The following HERC3 variants were observed in gnomAD, a reference collection of about 807,000 sequenced individuals.
HERC3 encodes probable E3 ubiquitin-protein ligase HERC3.
HERC3 carries 58 observed loss-of-function variants against 129.9 expected under a neutral mutation model. The ratio of observed to expected loss-of-function variants is 0.45; its 90% CI spans 0.36 to 0.56. The LOEUF (loss-of-function observed/expected upper bound fraction) is 0.56, where lower values mean the gene tolerates loss of function less well. Ranked by LOEUF, HERC3 falls within the 20% of genes least tolerant of loss-of-function variation. The pLI is 0.00. For missense variants in HERC3, 835 were observed against 1,244.2 expected, an observed-to-expected ratio of 0.67 and a Z score of 4.95; for synonymous variants, 430 against 451.0, an observed-to-expected ratio of 0.95 and a Z score of 0.59.
At chr4:88,553,891 C>T in the HERC3 span, among the ~76,000 whole-genome samples, 21,284 of 152,134 alleles carry the variant, frequency 0.14, 1,770 homozygotes, top group Admixed American at 0.23. Flanking sequence ...ACCTGGGAGG[C>T]GGAGGTTGCA....
upstream of HERC3, among the ~76,000 whole-genome samples, chr4:88,591,636 A>G (rs1479674047): frequency 6.6e-6 from 1 of 152,174 alleles, no homozygotes. Flanking sequence ...GGTTTTCTGC[A>G]AAAGATTAGC....
chr4:88,607,195 G>A (rs113875307), intron 3 of HERC3, among the ~76,000 whole-genome samples: 1 of 144,848 alleles, frequency 6.9e-6, no homozygotes, highest in African/African-American at 2.7e-5. Context: ...GTGTGTGTGT[G>A]TATGCATGTG....
At chr4:88,590,161 G>C (rs543104942), upstream of HERC3, among the ~76,000 whole-genome samples, 4 of 151,518 alleles carry the variant, frequency 2.6e-5, no homozygotes, top group South Asian at 8.3e-4. Context: ...CCAGCTACTC[G>C]GGAGGCTGAG....
At chr4:88,668,378 A>G (rs1731259277) in intron 14 of HERC3, among the ~76,000 whole-genome samples, 1 of 152,092 alleles carries the variant, frequency 6.6e-6, no homozygotes, top group Non-Finnish European at 1.5e-5. Context: ...TTTGCTCAGT[A>G]CCTCAGTATT....
chr4:88,525,394 T>C, the HERC3 span, among the ~76,000 whole-genome samples: 3 of 152,134 alleles, frequency 2.0e-5, no homozygotes, highest in African/African-American at 7.2e-5. Context: ...GGGTGAGCTG[T>C]AGGAAAGATA....
intron 3 of HERC3, among the ~76,000 whole-genome samples, chr4:88,639,024 C>T (rs35428671): frequency 6.6e-6 from 1 of 152,116 alleles, no homozygotes; most frequent in African/African-American, 2.4e-5. Context: ...CCTAGGAATA[C>T]AGCTAACAAG....
intron 2 of HERC3, among the ~76,000 whole-genome samples, 154 bp downstream of exon 2, chr4:88,595,768 G>T (rs1722297247): frequency 6.7e-6 from 1 of 148,602 alleles, no homozygotes; most frequent in African/African-American, 2.5e-5. Flanking sequence ...GCTGCTCTAA[G>T]ATAGTGAAGA....
At position 88,678,141 on chromosome 4, in the gene HERC3, T is replaced by G. The variant is rs1228682641; in HGVS notation, c.2196+7T>G. ...TTTGAAAAAGCCTCTCAAAGTGAGT[T>G]CCTTCAGGATATTCCTCTAAATACC... On this transcript the variant is annotated splice_region_variant and intron_variant, in intron 19 of 25. Coordinates refer to ENST00000402738, the MANE Select transcript of HERC3 (RefSeq NM_014606.3). 2 of 1,612,392 alleles carry G rather than the reference T, an allele frequency of 1.2e-6. No individual in the cohort carries two copies. Among genetic ancestry groups the G allele is most frequent in the Non-Finnish European group, 1.7e-6 (2 of 1,179,450 alleles).
At chr4:88,697,296 G>C (rs75738204) in intron 23 of HERC3, 4 of 1,604,616 alleles carry the variant, frequency 2.5e-6, no homozygotes, top group African/African-American at 1.3e-5. Context: ...CCTCCTCCTC[G>C]TCTTCCCCCT....
At chr4:88,665,125 T>C (rs1210571931) in intron 12 of HERC3, among the ~76,000 whole-genome samples, 4 of 152,216 alleles carry the variant, frequency 2.6e-5, no homozygotes, top group South Asian at 2.1e-4. Flanking sequence ...TTCAGAGAAA[T>C]GGAACAAATA....
chr4:88,704,962 G>A (rs943943369), intron 25 of HERC3, among the ~76,000 whole-genome samples: 6 of 151,010 alleles, frequency 4.0e-5, no homozygotes, highest in African/African-American at 1.5e-4. Flanking sequence ...CTGGATTCAA[G>A]TGATTCTCAT....
At chr4:88,705,326 A>G (rs1468963817) in intron 25 of HERC3, among the ~76,000 whole-genome samples, 2 of 152,256 alleles carry the variant, frequency 1.3e-5, no homozygotes, top group African/African-American at 2.4e-5. Context: ...TGTGATTTAT[A>G]GCAGCTTTAT....
chr4:88,610,377 C>T (rs1724165664), intron 3 of HERC3, among the ~76,000 whole-genome samples: 1 of 146,510 alleles, frequency 6.8e-6, no homozygotes, highest in Admixed American at 7.2e-5. Flanking sequence ...TGCTTGAACC[C>T]GGGAGGCAGA....
Position 88,652,094 on chromosome 4 carries a change from G to T in HERC3, c.463+6G>T, listed in dbSNP as rs773426654. On this transcript the variant is annotated splice_donor_region_variant and intron_variant, in intron 5 of 25. Coordinates refer to ENST00000402738, the MANE Select transcript of HERC3 (RefSeq NM_014606.3). ...TTGCTTGGCTCTTGCGGCTGGTAAA[G>T]TAACATTAAACATATGCTAATGCTA... 4.4e-6 allele frequency: 7 copies of T among 1,594,018 alleles called. No homozygotes were observed. In the South Asian group the frequency reaches 7.7e-5, roughly 18 times the overall value.
At chr4:88,607,260 T>A (rs1250524738) in intron 3 of HERC3, among the ~76,000 whole-genome samples, 1 of 152,024 alleles carries the variant, frequency 6.6e-6, no homozygotes, top group Non-Finnish European at 1.5e-5. Context: ...GCACACCTGA[T>A]ACCCAGTGAT....
At chr4:88,586,094 G>A in the HERC3 span, among the ~76,000 whole-genome samples, 2 of 152,176 alleles carry the variant, frequency 1.3e-5, no homozygotes, top group Non-Finnish European at 2.9e-5. Flanking sequence ...AATCAAGGGT[G>A]AGGCCAAATA....
chr4:88,606,587 A>C (rs927582310), intron 3 of HERC3, among the ~76,000 whole-genome samples: 2 of 152,158 alleles, frequency 1.3e-5, no homozygotes, highest in African/African-American at 4.8e-5. Flanking sequence ...AAAGAGGTTT[A>C]TTGGGTTTAC....
intron 2 of HERC3, among the ~76,000 whole-genome samples, chr4:88,605,219 T>C (rs1453785370): frequency 2.0e-5 from 3 of 152,110 alleles, no homozygotes; most frequent in Admixed American, 2.0e-4. Flanking sequence ...AAGTAGGAAG[T>C]GAGGCTTGAC....
chr4:88,632,775 A>C (rs572003062), intron 3 of HERC3, among the ~76,000 whole-genome samples: 1 of 152,248 alleles, frequency 6.6e-6, no homozygotes, highest in South Asian at 2.1e-4. Flanking sequence ...CTGTGGAATG[A>C]GAACAAAAAG....
Sources: gnomAD v4.1 joint callset for allele counts (sites outside exome capture counted in the v4.1 genomes callset) on GRCh38, gnomAD v4.1.1 for gene constraint, MANE v1.5 for transcripts, NCBI Gene and HGNC (gene_info 2026-07-23, HGNC 2026-07-21) for gene names.